TP63: variants seen among roughly 807,000 people sequenced by gnomAD.
TP63 encodes tumor protein p63.
In TP63, 17 loss-of-function variants were observed where a neutral mutation model predicts 82.8. The ratio of observed to expected loss-of-function variants is 0.21; its 90% CI spans 0.14 to 0.31. The LOEUF (loss-of-function observed/expected upper bound fraction) is 0.31. Ranked by LOEUF, TP63 falls within the 10% of genes least tolerant of loss-of-function variation. TP63 has a pLI of 1.00. For synonymous variants in TP63, 330 were observed against 321.7 expected (o/e 1.03, Z -0.28); for missense variants, 648 against 895.3 (o/e 0.72, Z 3.52).
the TP63 span, among the ~76,000 whole-genome samples, chr3:189,619,952 C>T: frequency 6.6e-6 from 1 of 152,098 alleles, no homozygotes; most frequent in African/African-American, 2.4e-5. Context: ...GGACCACTTG[C>T]GTCACTTTGT....
At chr3:189,668,400 G>A (rs1195073478) in intron 1 of TP63, among the ~76,000 whole-genome samples, 1 of 151,998 alleles carries the variant, frequency 6.6e-6, no homozygotes, top group African/African-American at 2.4e-5. Context: ...ATGAAAATAT[G>A]CTTTTAATGT....
At chr3:189,619,105 A>C in the TP63 span, among the ~76,000 whole-genome samples, 1 of 152,162 alleles carries the variant, frequency 6.6e-6, no homozygotes, top group Non-Finnish European at 1.5e-5. Context: ...CTGCTGATAC[A>C]TGCTAGCTAA....
intron 3 of TP63, among the ~76,000 whole-genome samples, chr3:189,768,033 T>G (rs1723075038): frequency 6.6e-6 from 1 of 152,128 alleles, no homozygotes; most frequent in South Asian, 2.1e-4. Context: ...ACAAATGAAG[T>G]AGCATTTTAT....
At chr3:189,680,412 G>T (rs906377437) in intron 1 of TP63, among the ~76,000 whole-genome samples, 3 of 151,932 alleles carry the variant, frequency 2.0e-5, no homozygotes, top group Admixed American at 6.6e-5. Context: ...AATTGAAAAG[G>T]AGAGACCACC....
intron 1 of TP63, among the ~76,000 whole-genome samples, chr3:189,730,740 A>G (rs1050304519): frequency 1.3e-5 from 2 of 152,156 alleles, no homozygotes; most frequent in Non-Finnish European, 1.5e-5. Context: ...GGCCTGCTCT[A>G]TTGGAGATTT....
Position 189,724,253 on chromosome 3 carries a change from T to C in TP63, c.63-13487T>C, listed in dbSNP as rs542374784. Reference sequence around the variant, plus strand: ...CGAGATATAAATGTATCTTCAAGGTTCTATAGTGTTAAAGTTTCCCTAATT... The same window carrying C: ...CGAGATATAAATGTATCTTCAAGGTCCTATAGTGTTAAAGTTTCCCTAATT... On this transcript the variant is annotated intron_variant, in intron 1 of 13. Transcript: ENST00000264731. Among the ~76,000 whole-genome samples, 371 of 152,258 alleles carry C rather than the reference T, an allele frequency of 2.4e-3. 2 individuals are homozygous for C. Among genetic ancestry groups the C allele is most frequent in the Non-Finnish European group, 4.6e-3 (313 of 68,012 alleles).
intron 3 of TP63, among the ~76,000 whole-genome samples, chr3:189,766,915 A>G (rs73055292): frequency 6.6e-6 from 1 of 152,234 alleles, no homozygotes; most frequent in African/African-American, 2.4e-5. Flanking sequence ...TTTGGATGAA[A>G]TCTTTCCTCC....
chr3:189,792,462 G>C (rs192760730), intron 3 of TP63, among the ~76,000 whole-genome samples: 1 of 152,186 alleles, frequency 6.6e-6, no homozygotes, highest in African/African-American at 2.4e-5. Flanking sequence ...GTGTAAGTGT[G>C]TATGTGTGTG....
chr3:189,626,836 A>T (rs182887322), upstream of TP63, among the ~76,000 whole-genome samples: 54 of 152,270 alleles, frequency 3.5e-4, no homozygotes, highest in African/African-American at 1.3e-3. Flanking sequence ...TATCCTGGTT[A>T]CAGCCCTTTC....
In TP63 at chr3:189,708,894, C is replaced by T. The variant is rs182363313; in HGVS notation, c.63-28846C>T. Among the ~76,000 whole-genome samples the T allele has an allele frequency of 5.6e-4, 86 of 152,260 alleles. No individual in the cohort carries two copies. In the Middle Eastern group the frequency reaches 0.01, roughly 18 times the overall value. ...ACGGCTCAGAGACATTGCTGGAACA[C>T]GAGAGTTAAGAGCCTTTACGTTGTG... On this transcript the variant is annotated intron_variant, in intron 1 of 13. Coordinates refer to ENST00000264731, the MANE Select transcript of TP63 (RefSeq NM_003722.5).
rs71173298 is a variant in TP63, at chr3:189,651,545, CAAA to C, written c.62+19982_62+19984del. On this transcript the variant is annotated intron_variant, in intron 1 of 13. Coordinates refer to ENST00000264731, the MANE Select transcript of TP63 (RefSeq NM_003722.5). ...TGGGCAACAGAGTGAGATTCCATAT[CAAA>C]AAAAAAAAAAAAAGTAAAGCAAAGA... 6.8e-4 allele frequency among the ~76,000 whole-genome samples: 81 copies of C among 118,460 alleles called. 5 individuals carry two copies. The highest frequency in any genetic ancestry group is 3.8e-3 in the Middle Eastern group (1 of 266). 77.7% of individuals were successfully genotyped at this position (118,460 alleles called of 152,430 possible).
the TP63 span, among the ~76,000 whole-genome samples, chr3:189,623,493 T>G: frequency 6.6e-6 from 1 of 152,176 alleles, no homozygotes; most frequent in Non-Finnish European, 1.5e-5. Context: ...TAGTTATCCT[T>G]TTGTCTATGA....
At position 189,648,945 on chromosome 3, in the gene TP63, G is replaced by T. The variant is rs1712652473; in HGVS notation, c.62+17368G>T. ...GATGCCTAATTAATGGCAAAGGCAG[G>T]ATTAAATTCCTGGAATCTAATCAAA... On this transcript the variant is annotated intron_variant, in intron 1 of 13. Transcript: ENST00000264731. Among the ~76,000 whole-genome samples, 2 of 147,176 alleles carry T rather than the reference G, an allele frequency of 1.4e-5. 1 individual carries two copies.
intron 1 of TP63, among the ~76,000 whole-genome samples, chr3:189,718,419 G>T (rs1719124550): frequency 6.6e-6 from 1 of 150,776 alleles, no homozygotes; most frequent in Admixed American, 6.7e-5. Flanking sequence ...GGGAAGGAAG[G>T]CGTGTTTTGC....
At chr3:189,756,550 CTCTAGAA>C in intron 3 of TP63, among the ~76,000 whole-genome samples, 1 of 152,118 alleles carries the variant, frequency 6.6e-6, no homozygotes, top group East Asian at 1.9e-4. Context: ...TTCTTCTATT[CTCTAGAA>C]ATTCACAAAT....
intron 4 of TP63, among the ~76,000 whole-genome samples, chr3:189,826,627 A>G (rs1243510562): frequency 6.8e-6 from 1 of 147,016 alleles, no homozygotes; most frequent in African/African-American, 2.5e-5. Context: ...ATGAAAATTC[A>G]GTATTAATAA....
intron 8 of TP63, 109 bp from the exon 9 acceptor site, chr3:189,869,215 A>G (rs1314485917): frequency 4.6e-6 from 4 of 876,304 alleles, no homozygotes; most frequent in East Asian, 2.7e-5. Flanking sequence ...TCTTTTTAAT[A>G]TGTATATTAA....
In TP63 at chr3:189,895,170, G is replaced by A. The variant is rs1300408998; in HGVS notation, c.*668G>A. The A allele has an allele frequency of 1.8e-5, 4 of 220,294 alleles. No individual in the cohort carries two copies. Among genetic ancestry groups the A allele is most frequent in the Non-Finnish European group, 2.7e-5 (3 of 110,066 alleles). The allele number at this position is 220,294 out of a possible 1,614,324, so 13.6% of individuals were successfully genotyped here. A position where few individuals can be genotyped will look rare whatever the true frequency, so the allele number is the denominator to read the frequency against. On this transcript the variant is annotated 3_prime_UTR_variant, in exon 14 of 14. Coordinates refer to ENST00000264731, the MANE Select transcript of TP63 (RefSeq NM_003722.5). Reference sequence around the variant, plus strand: ...GATATGTATTCTTTTCTCAGTGTTGGTATATTTTATATTACTGACATTTCT... The same window carrying A: ...GATATGTATTCTTTTCTCAGTGTTGATATATTTTATATTACTGACATTTCT...
chr3:189,800,979 T>A (rs1489717435), intron 3 of TP63, among the ~76,000 whole-genome samples: 1 of 152,174 alleles, frequency 6.6e-6, no homozygotes, highest in Non-Finnish European at 1.5e-5. Flanking sequence ...CAGTTTCATG[T>A]CATGGTAACG....
Sources: allele counts gnomAD v4.1 joint callset (sites outside exome capture counted in the v4.1 genomes callset), GRCh38; gene constraint gnomAD v4.1.1; transcripts MANE v1.5; gene names NCBI Gene and HGNC (gene_info 2026-07-23, HGNC 2026-07-21).